Variants in SPATS2 observed in about 807,000 individuals in gnomAD.
The protein encoded by SPATS2 is spermatogenesis-associated serine-rich protein 2.
SPATS2 carries 38 observed loss-of-function variants against 63.7 expected under a neutral mutation model. The observed-to-expected ratio is 0.60, with a 90% confidence interval of 0.46 to 0.78. The LOEUF is 0.78. Among genes scored for constraint, SPATS2 ranks in the 30% least tolerant of loss-of-function variants. The pLI is 0.00. For missense variants in SPATS2, 588 were observed against 666.2 expected, an observed-to-expected ratio of 0.88 and a Z score of 1.29; for synonymous variants, 207 against 232.9, an observed-to-expected ratio of 0.89 and a Z score of 1.01.
In SPATS2 at chr12:49,526,441, T is replaced by C. The variant is rs1170248363; in HGVS notation, c.*186T>C. On this transcript the variant is annotated 3_prime_UTR_variant, in exon 14 of 14. Transcript: ENST00000552918. The stretch of plus-strand genomic sequence containing the variant: ...TTACCATTTTTGGAGGGGAAGCTAT[T>C]TTTTTTCCTTGATCTTTCCCAGTGA... 2 of 728,292 alleles carry C rather than the reference T, an allele frequency of 2.7e-6. No individual in the cohort carries two copies. The highest frequency in any genetic ancestry group is 4.3e-6 in the Non-Finnish European group (2 of 464,092). The allele number at this position is 728,292 out of a possible 1,614,324, so 45.1% of individuals were successfully genotyped here.
At chr12:49,382,447 T>C (rs550780246) in intron 2 of SPATS2, among the ~76,000 whole-genome samples, 4 of 152,376 alleles carry the variant, frequency 2.6e-5, no homozygotes, top group East Asian at 1.9e-4. Flanking sequence ...TTATACCGTA[T>C]GAAGTGCTTA....
chr12:49,500,330 C>T, intron 9 of SPATS2, 125 bp downstream of exon 9: 1 of 1,111,410 alleles, frequency 9.0e-7, no homozygotes, highest in East Asian at 2.6e-5. Flanking sequence ...CTTATAAATC[C>T]TATGGTATAT....
At chr12:49,519,253 A>G (rs1041613331) in intron 11 of SPATS2, 71 bp downstream of exon 11, 2 of 1,239,054 alleles carry the variant, frequency 1.6e-6, no homozygotes, top group Non-Finnish European at 2.3e-6. Flanking sequence ...TTCATAATTC[A>G]TGGCCATATC....
intron 2 of SPATS2, among the ~76,000 whole-genome samples, chr12:49,384,204 A>G (rs1001574247): frequency 5.3e-5 from 8 of 152,126 alleles, no homozygotes; most frequent in African/African-American, 1.9e-4. Context: ...TGCCTCAAGT[A>G]ATCTTCTTGC....
intron 3 of SPATS2, chr12:49,462,262 C>T: frequency 1.4e-6 from 1 of 702,182 alleles, no homozygotes; most frequent in East Asian, 2.7e-5. Flanking sequence ...CTGCCTCTCT[C>T]AACTCCTCAC....
At chr12:49,389,948 T>G (rs1485191894) in intron 2 of SPATS2, 1 of 803,428 alleles carries the variant, frequency 1.2e-6, no homozygotes, top group Non-Finnish European at 2.3e-6. Flanking sequence ...AAATGAAATA[T>G]GGCAGCAGTA....
chr12:49,471,876 C>T (rs1946039717), intron 3 of SPATS2, among the ~76,000 whole-genome samples: 1 of 152,150 alleles, frequency 6.6e-6, no homozygotes, highest in Non-Finnish European at 1.5e-5. Context: ...AAGCTGGGTG[C>T]AGTGGCTCGT....
At chr12:49,498,841 T>C (rs1762392448) in intron 8 of SPATS2, among the ~76,000 whole-genome samples, 1 of 149,790 alleles carries the variant, frequency 6.7e-6, no homozygotes, top group Non-Finnish European at 1.5e-5. Context: ...TCACCCAGGC[T>C]GGAGTGCAAT....
chr12:49,415,306 A>G (rs1458538063), intron 2 of SPATS2, among the ~76,000 whole-genome samples: 1 of 152,004 alleles, frequency 6.6e-6, no homozygotes, highest in Non-Finnish European at 1.5e-5. Flanking sequence ...CGGCCTCCCA[A>G]AGTGCTGGGA....
chr12:49,417,421 A>G (rs957681522), intron 2 of SPATS2, among the ~76,000 whole-genome samples: 4 of 152,238 alleles, frequency 2.6e-5, no homozygotes, highest in Non-Finnish European at 5.9e-5. Flanking sequence ...TTTAGAATGT[A>G]GAGACTGTAA....
chr12:49,443,132 G>T (rs970644955), intron 2 of SPATS2, among the ~76,000 whole-genome samples: 2 of 152,012 alleles, frequency 1.3e-5, no homozygotes, highest in Non-Finnish European at 2.9e-5. Context: ...ACTTTATTTT[G>T]TTTAACCATT....
intron 2 of SPATS2, among the ~76,000 whole-genome samples, chr12:49,397,103 C>T (rs566238958): frequency 2.0e-5 from 3 of 152,302 alleles, no homozygotes; most frequent in Admixed American, 6.5e-5. Flanking sequence ...GCTATTCCCT[C>T]TGTCTGGAAT....
chr12:49,448,287 G>A (rs1273476116), intron 2 of SPATS2, among the ~76,000 whole-genome samples: 16 of 151,022 alleles, frequency 1.1e-4, no homozygotes, highest in Non-Finnish European at 2.4e-4. Flanking sequence ...ACAGGCACCC[G>A]CCACCATGCC....
intron 2 of SPATS2, among the ~76,000 whole-genome samples, chr12:49,383,615 T>C (rs780799340): frequency 6.6e-6 from 1 of 152,124 alleles, no homozygotes; most frequent in Non-Finnish European, 1.5e-5. Context: ...TTGCCCAGGC[T>C]GGTCTTGAAC....
At chr12:49,494,612 A>G in intron 6 of SPATS2, 129 bp from the exon 7 acceptor site, 1 of 931,610 alleles carries the variant, frequency 1.1e-6, no homozygotes, top group Non-Finnish European at 1.5e-6. Flanking sequence ...TGAAAATATT[A>G]AATTTCTGAA....
chr12:49,404,390 G>T (rs1008275620), intron 2 of SPATS2, among the ~76,000 whole-genome samples: 1 of 151,312 alleles, frequency 6.6e-6, no homozygotes, highest in South Asian at 2.1e-4. Context: ...GGGCCGAAGC[G>T]ATCCTTCCGC....
chr12:49,455,072 A>G (rs1945695405), intron 2 of SPATS2, among the ~76,000 whole-genome samples: 2 of 151,988 alleles, frequency 1.3e-5, no homozygotes, highest in Non-Finnish European at 2.9e-5. Flanking sequence ...GGGTCTGCTC[A>G]GTTTTTACCG....
intron 3 of SPATS2, chr12:49,463,249 CA>C (rs774893533): frequency 0.016 from 2,110 of 133,246 alleles, 22 homozygotes; most frequent in African/African-American, 0.035. Flanking sequence ...ACTAAAAATA[CA>C]AAAAAAAAAA....
At chr12:49,486,628 T>G (rs1242272072) in intron 4 of SPATS2, among the ~76,000 whole-genome samples, 2 of 152,144 alleles carry the variant, frequency 1.3e-5, no homozygotes, top group Non-Finnish European at 2.9e-5. Flanking sequence ...CTCACTTGTA[T>G]GGTTTTTTTA....
Sources: gnomAD v4.1 joint callset for allele counts (sites outside exome capture counted in the v4.1 genomes callset) on GRCh38, gnomAD v4.1.1 for gene constraint, MANE v1.5 for transcripts, NCBI Gene and HGNC (gene_info 2026-07-23, HGNC 2026-07-21) for gene names.